TAFA1: variants seen among roughly 807,000 people sequenced by gnomAD.
The protein encoded by TAFA1 is chemokine-like protein TAFA-1.
A neutral mutation model predicts 18.5 loss-of-function variants in TAFA1; 4 were observed. The ratio of observed to expected loss-of-function variants is 0.22; its 90% confidence interval spans 0.11 to 0.49. The LOEUF (loss-of-function observed/expected upper bound fraction) is 0.49. Among genes scored for constraint, TAFA1 ranks in the 20% least tolerant of loss-of-function variants. TAFA1 has a pLI of 0.98. For synonymous variants in TAFA1, 56 were observed against 55.2 expected (o/e 1.01, Z -0.06); for missense variants, 147 against 169.0 (o/e 0.87, Z 0.72).
chr3:68,437,224 A>G (rs953328104), intron 3 of TAFA1, among the ~76,000 whole-genome samples: 6 of 152,210 alleles, frequency 3.9e-5, no homozygotes, highest in Non-Finnish European at 8.8e-5. Context: ...CAAGATTTAG[A>G]ATGTTCCCAG....
intron 2 of TAFA1, among the ~76,000 whole-genome samples, chr3:68,117,766 CA>C (rs1210277275): frequency 3.3e-5 from 5 of 152,194 alleles, no homozygotes; most frequent in African/African-American, 1.2e-4. Context: ...AAATTTTCAT[CA>C]ATTTATAATG....
chr3:68,210,336 C>A (rs768324483), intron 2 of TAFA1, among the ~76,000 whole-genome samples: 2 of 151,998 alleles, frequency 1.3e-5, no homozygotes, highest in Non-Finnish European at 2.9e-5. Context: ...ACCATCCTGA[C>A]AGGCCAGGTA....
intron 2 of TAFA1, among the ~76,000 whole-genome samples, chr3:68,078,170 G>T (rs1476652005): frequency 6.6e-6 from 1 of 152,154 alleles, no homozygotes; most frequent in Non-Finnish European, 1.5e-5. Context: ...TGTATCCTGA[G>T]ACTCTGCTGA....
intron 2 of TAFA1, among the ~76,000 whole-genome samples, chr3:68,317,094 T>C (rs1370405231): frequency 6.6e-6 from 1 of 152,130 alleles, no homozygotes; most frequent in Non-Finnish European, 1.5e-5. Context: ...GAAGGGTCAA[T>C]AATTTGGCAA....
At chr3:68,086,563 T>A (rs1056141966) in intron 2 of TAFA1, among the ~76,000 whole-genome samples, 1 of 152,254 alleles carries the variant, frequency 6.6e-6, no homozygotes, top group Non-Finnish European at 1.5e-5. Context: ...ATTTTGACTA[T>A]AATTTTTCCT....
chr3:68,292,223 A>G (rs1478821248), intron 2 of TAFA1, among the ~76,000 whole-genome samples: 4 of 152,048 alleles, frequency 2.6e-5, no homozygotes, highest in African/African-American at 9.7e-5. Context: ...TTATCTACCC[A>G]GAGATTTAAG....
At chr3:68,329,055 A>G (rs913284988) in intron 2 of TAFA1, among the ~76,000 whole-genome samples, 1 of 151,258 alleles carries the variant, frequency 6.6e-6, no homozygotes, top group Admixed American at 6.6e-5. Flanking sequence ...GCCTCCTTAG[A>G]GAAGTAAACA....
At chr3:68,097,777 G>A (rs990236676) in intron 2 of TAFA1, among the ~76,000 whole-genome samples, 3 of 152,122 alleles carry the variant, frequency 2.0e-5, no homozygotes, top group Non-Finnish European at 4.4e-5. Flanking sequence ...AGCTATGAAA[G>A]AAGGATTACT....
intron 2 of TAFA1, among the ~76,000 whole-genome samples, chr3:68,030,852 T>A (rs1704919771): frequency 6.6e-6 from 1 of 152,152 alleles, no homozygotes; most frequent in African/African-American, 2.4e-5. Flanking sequence ...CCAGAAAAGA[T>A]GCTGTTGGTT....
At chr3:68,396,422 A>G (rs1316895148) in intron 2 of TAFA1, among the ~76,000 whole-genome samples, 1 of 152,128 alleles carries the variant, frequency 6.6e-6, no homozygotes, top group East Asian at 1.9e-4. Flanking sequence ...CCCAACTTCT[A>G]GCACTACAGG....
chr3:68,002,002 C>A (rs971104179), upstream of TAFA1, among the ~76,000 whole-genome samples: 1 of 152,120 alleles, frequency 6.6e-6, no homozygotes, highest in Non-Finnish European at 1.5e-5. Flanking sequence ...TCTAATGACA[C>A]CTCACTGGCT....
At chr3:68,457,899 G>A (rs1389452706) in intron 3 of TAFA1, among the ~76,000 whole-genome samples, 1 of 152,060 alleles carries the variant, frequency 6.6e-6, no homozygotes, top group Admixed American at 6.6e-5. Flanking sequence ...CAAACATCTT[G>A]TGATTCTGAT....
chr3:68,108,865 T>C (rs562307574), intron 2 of TAFA1, among the ~76,000 whole-genome samples: 28 of 152,084 alleles, frequency 1.8e-4, no homozygotes, highest in South Asian at 6.2e-4. Context: ...ATTTAACCAA[T>C]CCCATTTCAC....
intron 2 of TAFA1, among the ~76,000 whole-genome samples, chr3:68,109,839 A>G (rs2065244078): frequency 6.6e-6 from 1 of 152,208 alleles, no homozygotes; most frequent in Non-Finnish European, 1.5e-5. Context: ...TGAGTACCAG[A>G]ATAAGAAGTC....
At chr3:68,296,751 T>G (rs2068215068) in intron 2 of TAFA1, among the ~76,000 whole-genome samples, 1 of 152,206 alleles carries the variant, frequency 6.6e-6, no homozygotes, top group East Asian at 1.9e-4. Context: ...GTGCAGACAC[T>G]GTGCTAGGTG....
intron 2 of TAFA1, among the ~76,000 whole-genome samples, chr3:68,287,782 C>T (rs1028346740): frequency 9.2e-5 from 14 of 152,040 alleles, no homozygotes; most frequent in African/African-American, 3.1e-4. Flanking sequence ...GTCCGTGACG[C>T]CCCGAAGCAA....
In TAFA1 at chr3:68,276,808, G is replaced by A. The variant is rs906784518; in HGVS notation, c.119-140472G>A. On this transcript the variant is annotated intron_variant, in intron 2 of 4. Transcript: ENST00000478136. ...TTTTTAAAATAGTTTGTGGAGGGAG[G>A]GAGGAGGAAAAGGTTTGATATGCAA... is the stretch of plus-strand genomic sequence containing the variant. Among the ~76,000 whole-genome samples, 4 of 152,064 alleles carry A rather than the reference G, an allele frequency of 2.6e-5. No homozygotes were observed. The South Asian group carries it at 8.3e-4, about 32-fold the overall frequency.
chr3:68,384,948 G>T (rs2070060037), intron 2 of TAFA1, among the ~76,000 whole-genome samples: 1 of 151,890 alleles, frequency 6.6e-6, no homozygotes, highest in East Asian at 1.9e-4. Context: ...ATCTTTGTTG[G>T]TTTAAAATCT....
At chr3:68,436,030 A>G (rs1347578936) in intron 3 of TAFA1, among the ~76,000 whole-genome samples, 1 of 152,168 alleles carries the variant, frequency 6.6e-6, no homozygotes, top group Non-Finnish European at 1.5e-5. Flanking sequence ...GAGGGATACT[A>G]AGGGATAACC....
Sources: allele counts gnomAD v4.1 joint callset (sites outside exome capture counted in the v4.1 genomes callset), GRCh38; gene constraint gnomAD v4.1.1; transcripts MANE v1.5; gene names NCBI Gene and HGNC (gene_info 2026-07-23, HGNC 2026-07-21).